CTNNA2: variants seen among roughly 807,000 people sequenced by gnomAD.
CTNNA2 encodes the protein catenin alpha 2, also known as catenin alpha-2.
A neutral mutation model predicts 101.0 loss-of-function variants in CTNNA2; 42 were observed. The ratio of observed to expected loss-of-function variants is 0.42; its 90% CI spans 0.32 to 0.54. CTNNA2 has a LOEUF of 0.54. Among genes scored for constraint, CTNNA2 ranks in the 20% least tolerant of loss-of-function variants. The probability of loss-of-function intolerance (pLI) is 0.14; values close to 1 mark genes in which losing one functional copy is unlikely to be tolerated. For missense variants in CTNNA2, 871 were observed against 1,223.1 expected, an observed-to-expected ratio of 0.71 and a Z score of 4.29; for synonymous variants, 450 against 456.4, an observed-to-expected ratio of 0.99 and a Z score of 0.18.
At position 79,806,227 on chromosome 2, in the gene CTNNA2, T is replaced by TAAA. The variant is rs11394648; in HGVS notation, c.299-51778_299-51776dup. Among the ~76,000 whole-genome samples the TAAA allele has an allele frequency of 2.0e-5, 3 of 149,682 alleles. No homozygotes were observed. In the East Asian group the frequency reaches 6.0e-4, roughly 30 times the overall value. On this transcript the variant is annotated intron_variant, in intron 3 of 18. Transcript: ENST00000402739. ...GCTATGCACCCATTGGAGTTTTATT[T>TAAA]AAAAAAAAAATAGACATTTTATAGT...
Position 80,365,603 on chromosome 2 carries a change from T to C in CTNNA2, c.1057-27608T>C, listed in dbSNP as rs1674851817. ...AAAAAAAACAACAACAACTCTATTA[T>C]GGTCTTCATAGTGTTTCTAATTTCT... On this transcript the variant is annotated intron_variant, in intron 7 of 18. Transcript: ENST00000402739. Among the ~76,000 whole-genome samples the C allele has an allele frequency of 2.0e-5, 3 of 151,632 alleles. No homozygotes were observed. The South Asian group carries it at 6.2e-4, about 32-fold the overall frequency.
At chr2:79,850,329 C>T (rs13412412) in intron 3 of CTNNA2, among the ~76,000 whole-genome samples, 2 of 59,768 alleles carry the variant, frequency 3.3e-5, no homozygotes, top group Non-Finnish European at 6.5e-5. Context: ...CTTCATCCCT[C>T]CCTCCCTCCC....
intron 7 of CTNNA2, among the ~76,000 whole-genome samples, chr2:80,116,865 C>G (rs1701552444): frequency 6.7e-6 from 1 of 150,318 alleles, no homozygotes; most frequent in Non-Finnish European, 1.5e-5. Context: ...TAATACATGC[C>G]TAATCCAATC....
At chr2:79,497,949 A>T (rs1327391292) in intron 4 of CTNNA2, 1 of 152,218 alleles carries the variant, frequency 6.6e-6, no homozygotes, top group Admixed American at 6.5e-5. Context: ...ACATTGATTC[A>T]GTGGCCACAG....
chr2:79,506,790 G>A (rs186017722), intron 5 of CTNNA2, among the ~76,000 whole-genome samples: 35 of 152,226 alleles, frequency 2.3e-4, no homozygotes, highest in African/African-American at 7.9e-4. Context: ...TTTTCACTAT[G>A]GTATTCAGGA....
At chr2:79,670,363 G>A (rs747108180) in intron 2 of CTNNA2, among the ~76,000 whole-genome samples, 15 of 152,282 alleles carry the variant, frequency 9.9e-5, no homozygotes, top group Admixed American at 2.0e-4. Context: ...GCCCTCCTGG[G>A]TAGGGCTCCT....
At chr2:80,592,449 C>T (rs1193157152) in intron 15 of CTNNA2, among the ~76,000 whole-genome samples, 1 of 152,162 alleles carries the variant, frequency 6.6e-6, no homozygotes, top group Non-Finnish European at 1.5e-5. Flanking sequence ...CTTTAGGCTT[C>T]TGTCCTAATT....
chr2:79,960,333 AT>A (rs1234711849), intron 7 of CTNNA2, among the ~76,000 whole-genome samples: 2 of 152,226 alleles, frequency 1.3e-5, no homozygotes, highest in Non-Finnish European at 2.9e-5. Flanking sequence ...ACTCACATAC[AT>A]TTGCAATTTC....
intron 7 of CTNNA2, among the ~76,000 whole-genome samples, chr2:80,260,136 T>C (rs1261784861): frequency 6.6e-6 from 1 of 152,200 alleles, no homozygotes; most frequent in African/African-American, 2.4e-5. Flanking sequence ...ATTTTCCTAG[T>C]ATCTCAATTA....
chr2:80,004,707 T>C lies in CTNNA2; in HGVS notation c.1056+94910T>C, dbSNP rs547520659. ...TTTATTTATTTATTTATTTATTTAT[T>C]TATCCATCCATCCGAGATGGAGTCT... is the stretch of plus-strand genomic sequence containing the variant. On this transcript the variant is annotated intron_variant, in intron 7 of 18. Coordinates refer to ENST00000402739, the MANE Select transcript of CTNNA2 (RefSeq NM_001282597.3). Among the ~76,000 whole-genome samples, 115 of 124,410 alleles carry C rather than the reference T, an allele frequency of 9.2e-4. 1 individual carries two copies. The highest frequency in any genetic ancestry group is 3.3e-3 in the African/African-American group (111 of 33,592). The allele number at this position is 124,410 out of a possible 152,430, so 81.6% of individuals were successfully genotyped here. A position where few individuals can be genotyped will look rare whatever the true frequency, so the allele number is the denominator to read the frequency against.
chr2:79,701,397 G>A (rs566697513), intron 2 of CTNNA2, among the ~76,000 whole-genome samples: 31 of 152,230 alleles, frequency 2.0e-4, no homozygotes, highest in Admixed American at 4.6e-4. Flanking sequence ...CCAAAGGCTA[G>A]TCTAACTTTC....
intron 3 of CTNNA2, among the ~76,000 whole-genome samples, chr2:79,776,096 A>C (rs1573938708): frequency 6.6e-6 from 1 of 152,282 alleles, no homozygotes; most frequent in Middle Eastern, 3.4e-3. Flanking sequence ...ATTCAAACAG[A>C]CAGCAAAGAT....
chr2:80,347,554 C>T (rs1165837927), intron 7 of CTNNA2, among the ~76,000 whole-genome samples: 2 of 152,126 alleles, frequency 1.3e-5, no homozygotes, highest in Admixed American at 6.5e-5. Context: ...CTCTCAGTAA[C>T]TTTTCATGGA....
intron 2 of CTNNA2, among the ~76,000 whole-genome samples, chr2:79,734,157 A>C (rs1687372336): frequency 6.6e-6 from 1 of 152,174 alleles, no homozygotes; most frequent in Admixed American, 6.5e-5. Flanking sequence ...AATTTGAAAA[A>C]GAGGAATGCC....
intron 1 of CTNNA2, among the ~76,000 whole-genome samples, chr2:79,630,215 G>A (rs1679597037): frequency 6.6e-6 from 1 of 152,186 alleles, no homozygotes; most frequent in South Asian, 2.1e-4. Flanking sequence ...TCCCCAAGTG[G>A]CACTGTAAGG....
chr2:79,676,934 C>T (rs568039969), intron 2 of CTNNA2, among the ~76,000 whole-genome samples: 46 of 152,078 alleles, frequency 3.0e-4, no homozygotes, highest in African/African-American at 1.1e-3. Flanking sequence ...AGTGCTATTC[C>T]CCTGTCATCC....
chr2:79,333,013 G>A lies in CTNNA2; in HGVS notation c.-318+20217G>A, dbSNP rs116016603. On this transcript the variant is annotated intron_variant, in intron 3 of 21. Coordinates refer to the CTNNA2 transcript ENST00000466387. ...AACATTTGCTCTGGGAACAACAGCA[G>A]GCAGACTTAAGAGGGAAGGCCAAGG... is the stretch of plus-strand genomic sequence containing the variant. Among the ~76,000 whole-genome samples, 799 of 152,218 alleles carry A rather than the reference G, an allele frequency of 5.2e-3. 10 individuals are homozygous for A. Among genetic ancestry groups the A allele is most frequent in the African/African-American group, 0.018 (765 of 41,538 alleles).
chr2:79,515,703 G>A lies in CTNNA2; in HGVS notation c.-6+2496G>A, dbSNP rs2103844724. On this transcript the variant is annotated intron_variant, in intron 1 of 18. Transcript: ENST00000402739. ...AATGTGCATTTTAGAAGAGCAACTA[G>A]TGTCTTTGAAAAGCAGCTTGCCTCC... is the stretch of plus-strand genomic sequence containing the variant. Among the ~76,000 whole-genome samples, 2 of 152,334 alleles carry A rather than the reference G, an allele frequency of 1.3e-5. 1 individual carries two copies. The highest frequency in any genetic ancestry group is 4.1e-4 in the South Asian group (2 of 4,830).
intron 4 of CTNNA2, among the ~76,000 whole-genome samples, chr2:79,427,931 AG>A: frequency 6.6e-6 from 1 of 152,228 alleles, no homozygotes; most frequent in South Asian, 2.1e-4. Flanking sequence ...AGGAAAATGA[AG>A]GGAAAATACA....
Sources: allele counts gnomAD v4.1 joint callset (sites outside exome capture counted in the v4.1 genomes callset), GRCh38; gene constraint gnomAD v4.1.1; transcripts MANE v1.5; gene names NCBI Gene and HGNC (gene_info 2026-07-23, HGNC 2026-07-21).